Variants in EFHB observed in about 807,000 individuals in gnomAD.
EFHB encodes EF-hand domain-containing family member B.
Under a neutral mutation model 87.2 loss-of-function variants are expected in EFHB, and 91 were observed. That is an observed-to-expected ratio of 1.04 (90% confidence interval 0.88 to 1.24). The LOEUF is 1.24. Among genes scored for constraint, EFHB ranks in the 50% most tolerant of loss-of-function variants. EFHB has a pLI of 0.00. For synonymous variants in EFHB, 325 were observed against 333.6 expected, an observed-to-expected ratio of 0.97 and a Z score of 0.28; for missense variants, 1,084 against 998.8, an observed-to-expected ratio of 1.09 and a Z score of -1.15.
chr3:19,910,291 G>A (rs950241195), intron 5 of EFHB, among the ~76,000 whole-genome samples: 7 of 152,116 alleles, frequency 4.6e-5, no homozygotes, highest in Non-Finnish European at 8.8e-5. Context: ...TGGGCCTTAA[G>A]AGAACATTGG....
At chr3:19,946,031 A>G (rs1456565753) in intron 1 of EFHB, 1 of 152,212 alleles carries the variant, frequency 6.6e-6, no homozygotes, top group Non-Finnish European at 1.5e-5. Context: ...TGGTGGCTGA[A>G]GCCTCGCCAG....
intron 5 of EFHB, among the ~76,000 whole-genome samples, chr3:19,911,712 G>C (rs1695069643): frequency 6.6e-6 from 1 of 151,940 alleles, no homozygotes; most frequent in Non-Finnish European, 1.5e-5. Context: ...AGCTTGCAGA[G>C]AGGCTATTTG....
intron 4 of EFHB, 114 bp from the exon 5 acceptor site, chr3:19,915,527 G>A (rs1695199806): frequency 1.6e-6 from 1 of 639,736 alleles, no homozygotes. Context: ...AGGCTACATA[G>A]ACATCCCGAG....
At chr3:19,897,337 CAGCCTT>C (rs1174943943) in intron 8 of EFHB, among the ~76,000 whole-genome samples, 2 of 152,216 alleles carry the variant, frequency 1.3e-5, no homozygotes, top group African/African-American at 4.8e-5. Context: ...TCCCATTTCT[CAGCCTT>C]GCTTCCACTC....
intron 1 of EFHB, 47 bp from the exon 2 acceptor site, chr3:19,920,614 G>A: frequency 1.4e-6 from 2 of 1,445,344 alleles, no homozygotes; most frequent in East Asian, 2.4e-5. Context: ...TGGAAGAGGA[G>A]CATTTTGAAG....
intron 4 of EFHB, among the ~76,000 whole-genome samples, chr3:19,916,937 G>C (rs2931400): frequency 0.68 from 103,013 of 152,062 alleles, 35,645 homozygotes; most frequent in African/African-American, 0.79. Flanking sequence ...TAATAATACA[G>C]ATATATACAT....
Position 19,904,577 on chromosome 3 carries a change from C to G in EFHB, c.1418+1043G>C, listed in dbSNP as rs557604635. Among the ~76,000 whole-genome samples the G allele has an allele frequency of 3.3e-5, 5 of 152,276 alleles. No individual in the cohort carries two copies. In the South Asian group the frequency reaches 1.0e-3, roughly 32 times the overall value. Reference sequence around the variant, plus strand: ...TTCCTTGGTTATAGGCACATCACACCAATGTCTATCTCCATCTTCACATAC... The same window carrying G: ...TTCCTTGGTTATAGGCACATCACACGAATGTCTATCTCCATCTTCACATAC... On this transcript the variant is annotated intron_variant, in intron 6 of 12. Coordinates refer to ENST00000295824, the MANE Select transcript of EFHB (RefSeq NM_144715.4).
At chr3:19,934,520 C>T (rs1006358179), upstream of EFHB, among the ~76,000 whole-genome samples, 1 of 151,806 alleles carries the variant, frequency 6.6e-6, no homozygotes, top group Non-Finnish European at 1.5e-5. Flanking sequence ...TCCCCCTCTT[C>T]CCCTCTATCC....
At chr3:19,923,555 T>C (rs1695512305) in intron 1 of EFHB, among the ~76,000 whole-genome samples, 2 of 152,096 alleles carry the variant, frequency 1.3e-5, no homozygotes, top group Admixed American at 6.6e-5. Context: ...GTATTTTTTT[T>C]GTAGAGACGA....
chr3:19,892,914 G>A (rs112537874), intron 9 of EFHB, among the ~76,000 whole-genome samples: 9,093 of 125,826 alleles, frequency 0.072, 884 homozygotes, highest in African/African-American at 0.25. Flanking sequence ...TTCCATCCCA[G>A]TAGCTATAAC....
At position 19,905,754 on chromosome 3, in the gene EFHB, G is replaced by T; in HGVS notation, c.1289-5C>A. ...ACTTTCGGTTCTTTGCCTCTCCTGT[G>T]GAAAAAGAAAGGAAGACTTATGACT... On this transcript the variant is annotated splice_polypyrimidine_tract_variant and splice_region_variant and intron_variant, in intron 5 of 12. Coordinates refer to ENST00000295824, the MANE Select transcript of EFHB (RefSeq NM_144715.4). 6.3e-7 allele frequency: 1 copy of T among 1,597,652 alleles called. No individual in the cohort carries two copies.
intron 5 of EFHB, among the ~76,000 whole-genome samples, chr3:19,911,954 T>G (rs986030551): frequency 6.6e-6 from 1 of 152,002 alleles, no homozygotes; most frequent in Non-Finnish European, 1.5e-5. Flanking sequence ...ATTATTATTT[T>G]TTATTTTTTA....
chr3:19,908,578 GAGAGAGAGAGAGAGAGAGAGAGAA>G (rs1486810773), intron 5 of EFHB, among the ~76,000 whole-genome samples: 3 of 84,758 alleles, frequency 3.5e-5, no homozygotes, highest in African/African-American at 1.6e-4. Flanking sequence ...GAGAGAGAGA[GAGAGAGAGAGAGAGAGAGAGAGAA>G]AGAAAGAAAG....
chr3:19,895,884 A>G (rs1694464377), intron 9 of EFHB, among the ~76,000 whole-genome samples: 1 of 152,226 alleles, frequency 6.6e-6, no homozygotes, highest in African/African-American at 2.4e-5. Flanking sequence ...TCCTCAGCAT[A>G]AGCTAAAGGC....
chr3:19,887,087 A>C (rs1306417695), intron 10 of EFHB, among the ~76,000 whole-genome samples: 1 of 152,194 alleles, frequency 6.6e-6, no homozygotes, highest in African/African-American at 2.4e-5. Context: ...ATTCCTTAGA[A>C]ATATGAAAGC....
intron 6 of EFHB, among the ~76,000 whole-genome samples, chr3:19,905,241 G>A (rs1559457102): frequency 6.6e-6 from 1 of 152,144 alleles, no homozygotes; most frequent in Non-Finnish European, 1.5e-5. Context: ...AATAGAGCAA[G>A]ATGCTGTCTC....
chr3:19,942,586 G>A (rs1263115750), intron 1 of EFHB, among the ~76,000 whole-genome samples: 1 of 152,094 alleles, frequency 6.6e-6, no homozygotes, highest in Non-Finnish European at 1.5e-5. Context: ...TTATTACATT[G>A]TAATATATAA....
upstream of EFHB, among the ~76,000 whole-genome samples, chr3:19,934,955 G>A (rs2125169424): frequency 6.6e-6 from 1 of 151,582 alleles, no homozygotes; most frequent in Middle Eastern, 3.4e-3. Context: ...TTGTCGCCCA[G>A]GCTGGAGTGC....
intron 1 of EFHB, among the ~76,000 whole-genome samples, chr3:19,939,399 T>TC (rs1696099974): frequency 9.2e-6 from 1 of 108,502 alleles, no homozygotes; most frequent in Non-Finnish European, 2.2e-5. Flanking sequence ...TTTTTTTTTT[T>TC]TGGGATGGAG....
Sources: allele counts gnomAD v4.1 joint callset (sites outside exome capture counted in the v4.1 genomes callset), GRCh38; gene constraint gnomAD v4.1.1; transcripts MANE v1.5; gene names NCBI Gene and HGNC (gene_info 2026-07-23, HGNC 2026-07-21).